CDH7: variants seen among roughly 807,000 people sequenced by gnomAD.
CDH7 encodes the protein cadherin 7.
A neutral mutation model predicts 71.8 loss-of-function variants in CDH7; 25 were observed. That is an observed-to-expected ratio of 0.35 (90% CI 0.25 to 0.49). CDH7 has a LOEUF of 0.49. Among genes scored for constraint, CDH7 ranks in the 20% least tolerant of loss-of-function variants. The pLI is 0.99. For missense variants in CDH7, 862 were observed against 974.6 expected (o/e 0.88, Z 1.54); for synonymous variants, 381 against 363.8 (o/e 1.05, Z -0.54).
At chr18:65,865,526 T>A (rs898122590) in intron 11 of CDH7, 1 of 152,166 alleles carries the variant, frequency 6.6e-6, no homozygotes, top group Non-Finnish European at 1.5e-5. Flanking sequence ...AAACAAAGTC[T>A]GTTGTACTGA....
At chr18:65,769,353 C>T (rs1405059018) in intron 2 of CDH7, among the ~76,000 whole-genome samples, 1 of 152,136 alleles carries the variant, frequency 6.6e-6, no homozygotes. Context: ...TTATTTTAAA[C>T]ACAGCCCTGA....
At chr18:65,820,390 A>G (rs1009363957) in intron 4 of CDH7, among the ~76,000 whole-genome samples, 1 of 152,078 alleles carries the variant, frequency 6.6e-6, no homozygotes, top group African/African-American at 2.4e-5. Context: ...TAGTTCAGTC[A>G]TATGATATTA....
intron 7 of CDH7, among the ~76,000 whole-genome samples, chr18:65,854,248 G>A (rs1913266847): frequency 6.6e-6 from 1 of 151,874 alleles, no homozygotes. Flanking sequence ...TGAGGCTGTA[G>A]TGAGCCATGC....
chr18:65,843,135 T>C (rs925710177), intron 6 of CDH7, among the ~76,000 whole-genome samples: 1 of 152,220 alleles, frequency 6.6e-6, no homozygotes, highest in Non-Finnish European at 1.5e-5. Context: ...CACTAATTTT[T>C]GGGAAAATTG....
rs922620745 is a variant in CDH7 at position 65,883,232 on chromosome 18, A to T, written c.*2338A>T. 8 of 151,988 alleles carry T rather than the reference A, an allele frequency of 5.3e-5. No homozygotes were observed. Among genetic ancestry groups the T allele is most frequent in the Non-Finnish European group, 1.2e-4 (8 of 67,944 alleles). The allele number at this position is 151,988 out of a possible 1,614,324, so 9.4% of individuals were successfully genotyped here. ...TTTCATTCAGTGGTATTTTTTAATT[A>T]AAAAAATTAATTTAAAAAATTAATT... On this transcript the variant is annotated 3_prime_UTR_variant, in exon 12 of 12. Coordinates refer to ENST00000397968, the MANE Select transcript of CDH7 (RefSeq NM_004361.5).
chr18:65,889,691 G>A lies in CDH7; in HGVS notation c.*8797G>A, dbSNP rs2144089130. ...CAAAATAACTAAAGAGTGTATTTAA[G>A]ATTTAAATATATCTTTGAAGCTAGA... On this transcript the variant is annotated 3_prime_UTR_variant, in exon 12 of 12. Transcript: ENST00000397968. The A allele has an allele frequency of 6.6e-6, 1 of 152,224 alleles. No individual in the cohort carries two copies. The highest frequency in any genetic ancestry group is 2.1e-4 in the South Asian group (1 of 4,824). 9.4% of individuals were successfully genotyped at this position (152,224 alleles called of 1,614,324 possible).
At chr18:65,782,556 G>T (rs181507011) in intron 2 of CDH7, among the ~76,000 whole-genome samples, 1 of 152,170 alleles carries the variant, frequency 6.6e-6, no homozygotes, top group East Asian at 1.9e-4. Context: ...ATGTACAGTT[G>T]ACTCTCATCT....
intron 3 of CDH7, among the ~76,000 whole-genome samples, chr18:65,810,393 T>C (rs371373837): frequency 6.6e-6 from 1 of 152,298 alleles, no homozygotes; most frequent in East Asian, 1.9e-4. Flanking sequence ...ATTAAGATAT[T>C]GATTCATTGT....
Position 65,824,795 on chromosome 18 carries a change from CAAAG to C in CDH7, c.949_952del (p.Glu317ProfsTer24), listed in dbSNP as rs1451378098. 1.2e-6 allele frequency: 2 copies of C among 1,611,504 alleles called. No homozygotes were observed. ...TGGGCATTTTTAAGATTTCTGTTGA[CAAAG>C]AAACCCAGGAAGGAATCATTACTAT... is the stretch of plus-strand genomic sequence containing the variant. On this transcript the variant is annotated frameshift_variant, in exon 6 of 12. Coordinates refer to ENST00000397968, the MANE Select transcript of CDH7 (RefSeq NM_004361.5). LOFTEE classifies it high-confidence loss of function.
intron 2 of CDH7, among the ~76,000 whole-genome samples, chr18:65,773,075 T>G (rs934436001): frequency 9.2e-5 from 14 of 152,230 alleles, no homozygotes; most frequent in African/African-American, 3.1e-4. Flanking sequence ...CACTTTTAAC[T>G]TTGTGCTCAA....
At chr18:65,753,769 G>T (rs1253953399) in intron 1 of CDH7, among the ~76,000 whole-genome samples, 1 of 152,146 alleles carries the variant, frequency 6.6e-6, no homozygotes, top group Admixed American at 6.5e-5. Flanking sequence ...TGCTGGTTCT[G>T]CAGAAAGATA....
chr18:65,776,953 T>C (rs1909970225), intron 2 of CDH7, among the ~76,000 whole-genome samples: 1 of 152,202 alleles, frequency 6.6e-6, no homozygotes, highest in South Asian at 2.1e-4. Context: ...TTTGGAAAGA[T>C]AAATGAGTAG....
intron 6 of CDH7, among the ~76,000 whole-genome samples, chr18:65,826,625 T>A (rs1293228689): frequency 6.6e-6 from 1 of 151,408 alleles, no homozygotes; most frequent in Non-Finnish European, 1.5e-5. Flanking sequence ...TTAAAAATGT[T>A]AATAGTATCA....
intron 2 of CDH7, among the ~76,000 whole-genome samples, chr18:65,806,678 C>A (rs990644274): frequency 1.4e-5 from 2 of 145,784 alleles, no homozygotes; most frequent in Non-Finnish European, 3.1e-5. Flanking sequence ...GTGTGTGTGT[C>A]CGTGAGTGTG....
At chr18:65,831,845 A>C (rs1207426142) in intron 6 of CDH7, among the ~76,000 whole-genome samples, 1 of 151,700 alleles carries the variant, frequency 6.6e-6, no homozygotes, top group Admixed American at 6.6e-5. Context: ...TCCTTTTATT[A>C]CCCCAGAGTA....
chr18:65,865,705 GT>G (rs1429528508), intron 11 of CDH7: 1 of 152,046 alleles, frequency 6.6e-6, no homozygotes, highest in Non-Finnish European at 1.5e-5. Context: ...TACTGTTTTA[GT>G]TTTGTCGCCA....
chr18:65,796,301 G>A (rs1238832769), intron 2 of CDH7, among the ~76,000 whole-genome samples: 1 of 151,776 alleles, frequency 6.6e-6, no homozygotes, highest in Admixed American at 6.6e-5. Context: ...TAGACATTTT[G>A]AAATTATAGA....
rs2144078476 is a variant in CDH7 at position 65,883,089 on chromosome 18, A to G, written c.*2195A>G. 2 of 152,088 alleles carry G rather than the reference A, an allele frequency of 1.3e-5. No homozygotes were observed. The highest frequency in any genetic ancestry group is 4.1e-4 in the South Asian group (2 of 4,826). The allele number at this position is 152,088 out of a possible 1,614,324, so 9.4% of individuals were successfully genotyped here. Reference sequence around the variant, plus strand: ...GTGTTTTTTCTCATTAATTTTTTCAAATGGTTACCAATGATAGATTGGAAA... The same window carrying G: ...GTGTTTTTTCTCATTAATTTTTTCAGATGGTTACCAATGATAGATTGGAAA... On this transcript the variant is annotated 3_prime_UTR_variant, in exon 12 of 12. Transcript: ENST00000397968.
chr18:65,779,677 C>A (rs567412030), intron 2 of CDH7, among the ~76,000 whole-genome samples: 1 of 19,986 alleles, frequency 5.0e-5, no homozygotes, highest in Non-Finnish European at 8.1e-5. Context: ...TGTATATGTG[C>A]CACATTTTCT....
Sources: allele counts gnomAD v4.1 joint callset (sites outside exome capture counted in the v4.1 genomes callset), GRCh38; gene constraint gnomAD v4.1.1; transcripts MANE v1.5; gene names NCBI Gene and HGNC (gene_info 2026-07-23, HGNC 2026-07-21).